Variants in HELZ observed in about 807,000 individuals in gnomAD.
HELZ encodes helicase with zinc finger.
Under a neutral mutation model 218.2 loss-of-function variants are expected in HELZ, and 23 were observed. That is an observed-to-expected ratio of 0.11 (90% CI 0.08 to 0.15). The LOEUF (loss-of-function observed/expected upper bound fraction) is 0.15, where lower values mean the gene tolerates loss of function less well. HELZ is among the 10% of genes least tolerant of loss of function. The pLI is 1.00. For missense variants in HELZ, 1,813 were observed against 2,353.7 expected, an observed-to-expected ratio of 0.77 and a Z score of 4.75; for synonymous variants, 814 against 829.4, an observed-to-expected ratio of 0.98 and a Z score of 0.32.
intron 2 of HELZ, among the ~76,000 whole-genome samples, chr17:67,240,713 T>C (rs2041295562): frequency 6.6e-6 from 1 of 152,244 alleles, no homozygotes; most frequent in African/African-American, 2.4e-5. Context: ...AACCTGACGA[T>C]GAATCAAGTT....
At chr17:67,138,677 G>T (rs1430003290) in intron 21 of HELZ, among the ~76,000 whole-genome samples, 1 of 152,208 alleles carries the variant, frequency 6.6e-6, no homozygotes, top group Non-Finnish European at 1.5e-5. Context: ...GGATCACAGA[G>T]AAAGACTTTC....
chr17:67,094,098 G>C (rs1238547667), intron 31 of HELZ, among the ~76,000 whole-genome samples: 2 of 152,288 alleles, frequency 1.3e-5, no homozygotes, highest in African/African-American at 4.8e-5. Context: ...GAGGTGGGCA[G>C]AGTGCTTAAG....
intron 28 of HELZ, 44 bp downstream of exon 28, chr17:67,114,280 T>A: frequency 8.0e-7 from 1 of 1,250,774 alleles, no homozygotes; most frequent in Non-Finnish European, 1.2e-6. Flanking sequence ...AGATGACCAA[T>A]CAGACTAAAT....
At chr17:67,185,682 T>C (rs1346096445) in intron 12 of HELZ, among the ~76,000 whole-genome samples, 1 of 152,202 alleles carries the variant, frequency 6.6e-6, no homozygotes, top group Non-Finnish European at 1.5e-5. Context: ...ATTTCTCCTT[T>C]GTCTTTAAAC....
At chr17:67,120,686 G>C in intron 26 of HELZ, 74 bp from the exon 27 acceptor site, 2 of 985,752 alleles carry the variant, frequency 2.0e-6, no homozygotes, top group East Asian at 5.0e-5. Flanking sequence ...CTGCTGATTA[G>C]GGAAAAGCAA....
chr17:67,191,029 A>G (rs1267831831), intron 9 of HELZ, among the ~76,000 whole-genome samples: 2 of 152,090 alleles, frequency 1.3e-5, no homozygotes, highest in Non-Finnish European at 1.5e-5. Context: ...TTTTTAAGCA[A>G]TACTGACATC....
Position 67,149,281 on chromosome 17 carries a change from CAGCTATATAGTATG to C in HELZ, c.2475+572_2476-568del, listed in dbSNP as rs544253953. Among the ~76,000 whole-genome samples the C allele has an allele frequency of 9.2e-5, 14 of 152,288 alleles. No individual in the cohort carries two copies. In the East Asian group the frequency reaches 2.7e-3, roughly 29 times the overall value. ...TTTAACTCTCTCCTTGATGTCCCGACAGCTATATAGTATGATGTAGGTCCAATCTTAACTGCAGC... is the reference window on the plus strand; with the variant it reads ...TTTAACTCTCTCCTTGATGTCCCGACATGTAGGTCCAATCTTAACTGCAGC... On this transcript the variant is annotated intron_variant, in intron 19 of 32. Coordinates refer to ENST00000358691, the MANE Select transcript of HELZ (RefSeq NM_014877.4).
At chr17:67,198,195 T>C (rs1432491505) in intron 7 of HELZ, among the ~76,000 whole-genome samples, 1 of 152,210 alleles carries the variant, frequency 6.6e-6, no homozygotes, top group Non-Finnish European at 1.5e-5. Flanking sequence ...ATAAAAATGT[T>C]TGATAAACAT....
At chr17:67,152,767 T>TAAAAAAAAAAAAAAAAAAAAAAAA (rs368609592) in intron 17 of HELZ, among the ~76,000 whole-genome samples, 1 of 124,858 alleles carries the variant, frequency 8.0e-6, no homozygotes, top group Non-Finnish European at 1.7e-5. Context: ...AGAGTAGATT[T>TAAAAAAAAAAAAAAAAAAAAAAAA]AAAAAAAAAA....
rs117329401 is a variant in HELZ, at chr17:67,147,969, T to A, written c.2621+600A>T. ...ATGCCCTAGGCACTCTTCATCTGTA[T>A]CCTCTGTAATATCCTTGATAATAAA... On this transcript the variant is annotated intron_variant, in intron 20 of 32. Coordinates refer to ENST00000358691, the MANE Select transcript of HELZ (RefSeq NM_014877.4). Among the ~76,000 whole-genome samples the A allele has an allele frequency of 1.5e-3, 226 of 152,340 alleles. 7 individuals are homozygous for A. The East Asian group carries it at 0.035, about 23-fold the overall frequency.
chr17:67,152,047 T>A (rs1306395887), intron 17 of HELZ, among the ~76,000 whole-genome samples: 1 of 152,188 alleles, frequency 6.6e-6, no homozygotes, highest in Non-Finnish European at 1.5e-5. Context: ...TGACATGACA[T>A]GACTTATTTT....
intron 24 of HELZ, 79 bp from the exon 25 acceptor site, chr17:67,124,093 G>A: frequency 1.1e-6 from 1 of 884,310 alleles, no homozygotes; most frequent in Non-Finnish European, 1.9e-6. Flanking sequence ...CTAATCATAT[G>A]TAAATTAATG....
intron 20 of HELZ, among the ~76,000 whole-genome samples, chr17:67,146,970 A>G (rs144467782): frequency 7.5e-4 from 114 of 152,138 alleles, no homozygotes; most frequent in African/African-American, 2.5e-3. Context: ...AGTTGTTGAG[A>G]TATATACCTT....
intron 3 of HELZ, among the ~76,000 whole-genome samples, chr17:67,228,675 T>A (rs909545887): frequency 4.7e-5 from 7 of 149,860 alleles, no homozygotes; most frequent in Admixed American, 1.3e-4. Context: ...AAAAAAAAAA[T>A]TTATTGTGAC....
At chr17:67,143,330 C>T (rs368407333) in intron 21 of HELZ, among the ~76,000 whole-genome samples, 4 of 152,146 alleles carry the variant, frequency 2.6e-5, no homozygotes, top group East Asian at 1.9e-4. Flanking sequence ...TACCTTGGCC[C>T]GGTGTGGCTG....
At position 67,108,162 on chromosome 17, in the gene HELZ, T is replaced by G. The variant is rs1266257154; in HGVS notation, c.4724+330A>C. 2.0e-5 allele frequency among the ~76,000 whole-genome samples: 3 copies of G among 152,210 alleles called. No individual in the cohort carries two copies. Among genetic ancestry groups the G allele is most frequent in the Non-Finnish European group, 4.4e-5 (3 of 68,032 alleles). ...TTTAACCACGAATTTACTCCTGTCTTTATTCATTCTTTGCAAGTATTACTA... is the reference window on the plus strand; with the variant it reads ...TTTAACCACGAATTTACTCCTGTCTGTATTCATTCTTTGCAAGTATTACTA... On this transcript the variant is annotated intron_variant, in intron 30 of 32. Coordinates refer to ENST00000358691, the MANE Select transcript of HELZ (RefSeq NM_014877.4). The surrounding 1 kb of genome is among the most constrained non-coding windows in gnomAD (Gnocchi z 4.1).
chr17:67,131,492 C>G (rs2037982888), intron 23 of HELZ, among the ~76,000 whole-genome samples: 2 of 151,758 alleles, frequency 1.3e-5, no homozygotes, highest in Non-Finnish European at 2.9e-5. Context: ...TAACTACTTA[C>G]TATAAGTTAA....
At chr17:67,122,874 A>T (rs931515119) in intron 26 of HELZ, 96 bp downstream of exon 26, 2 of 896,512 alleles carry the variant, frequency 2.2e-6, no homozygotes. Context: ...ATTTTTTTTA[A>T]AAAAGAAGTT....
chr17:67,201,573 C>G (rs1300017825), intron 6 of HELZ, among the ~76,000 whole-genome samples: 1 of 152,098 alleles, frequency 6.6e-6, no homozygotes, highest in Non-Finnish European at 1.5e-5. Flanking sequence ...AAATGGTGAA[C>G]CCAGCCATGA....
Sources: allele counts gnomAD v4.1 joint callset (sites outside exome capture counted in the v4.1 genomes callset), GRCh38; gene constraint gnomAD v4.1.1; non-coding constraint Gnocchi (gnomAD v3.1); transcripts MANE v1.5; gene names NCBI Gene and HGNC (gene_info 2026-07-23, HGNC 2026-07-21).